The following EFNA5 variants were observed in gnomAD, a reference collection of about 807,000 sequenced individuals.
EFNA5 encodes the protein ephrin A5, also known as ephrin-A5.
In EFNA5, 5 loss-of-function variants were observed where a neutral mutation model predicts 22.9. That is an observed-to-expected ratio of 0.22 (90% CI 0.11 to 0.46). The LOEUF is 0.46. EFNA5 is among the 20% of genes least tolerant of loss of function. EFNA5 has a pLI of 0.99. For missense variants in EFNA5, 237 were observed against 293.3 expected (o/e 0.81, Z 1.40); for synonymous variants, 113 against 112.2 (o/e 1.01, Z -0.04).
At chr5:107,551,338 C>T (rs557713088) in intron 1 of EFNA5, among the ~76,000 whole-genome samples, 14 of 152,156 alleles carry the variant, frequency 9.2e-5, no homozygotes, top group Non-Finnish European at 1.8e-4. Context: ...GCTACACGAT[C>T]TCTGCCACAG....
In EFNA5 at chr5:107,381,353, C is replaced by T. The variant is rs772569777; in HGVS notation, c.589G>A (p.Glu197Lys). The change falls in exon 5 of 5, where the codon GAG (glutamate) becomes AAG (lysine). Residue 197 changes from glutamate (E) to lysine (K), a missense_variant. Glu to Lys is a moderately conservative substitution (Grantham distance 56). Transcript: ENST00000333274. ...PADDTVHESA[E>K]PSRGENAAQT... ...GCCGCGTTCTCGCCGCGGGATGGCT[C>T]GGCTGACTCATGTACGGTGTCATCT... 16 of 1,613,824 alleles carry T rather than the reference C, an allele frequency of 9.9e-6. No homozygotes were observed. The highest frequency in any genetic ancestry group is 3.3e-5 in the South Asian group (3 of 91,068).
At chr5:107,382,623 G>T (rs770510739) in intron 4 of EFNA5, among the ~76,000 whole-genome samples, 13 of 151,994 alleles carry the variant, frequency 8.6e-5, no homozygotes, top group Non-Finnish European at 1.8e-4. Flanking sequence ...TCCTCCCTTG[G>T]CCTCCCAAAG....
At chr5:107,648,384 T>C (rs1750667968) in intron 1 of EFNA5, among the ~76,000 whole-genome samples, 2 of 152,220 alleles carry the variant, frequency 1.3e-5, no homozygotes, top group Admixed American at 6.5e-5. Flanking sequence ...TAAAATACTA[T>C]ATACAAGTAC....
At chr5:107,589,232 A>G (rs1051031552) in intron 1 of EFNA5, among the ~76,000 whole-genome samples, 1 of 152,206 alleles carries the variant, frequency 6.6e-6, no homozygotes, top group East Asian at 1.9e-4. Flanking sequence ...TAAGATAACT[A>G]CAAACGCTAA....
chr5:107,589,477 C>T lies in EFNA5; in HGVS notation c.125+81012G>A, dbSNP rs112785993. On this transcript the variant is annotated intron_variant, in intron 1 of 4. Transcript: ENST00000333274. ...TAAAAACTGACTATAAACATATATA[C>T]ACACACACACACACCAACAAAGGAG... Among the ~76,000 whole-genome samples the T allele has an allele frequency of 7.7e-3, 1,164 of 151,066 alleles. 18 individuals carry two copies. The highest frequency in any genetic ancestry group is 0.026 in the African/African-American group (1,074 of 40,892).
At chr5:107,585,530 C>T (rs1749167088) in intron 1 of EFNA5, among the ~76,000 whole-genome samples, 1 of 152,064 alleles carries the variant, frequency 6.6e-6, no homozygotes, top group African/African-American at 2.4e-5. Context: ...AATAGAAAAA[C>T]CTGTGAATAG....
At chr5:107,669,517 G>A (rs947106291) in intron 1 of EFNA5, among the ~76,000 whole-genome samples, 3 of 152,008 alleles carry the variant, frequency 2.0e-5, no homozygotes, top group Non-Finnish European at 4.4e-5. Flanking sequence ...GGACCCCGCC[G>A]GGCACTCTGG....
chr5:107,510,560 T>C (rs1195211010), intron 1 of EFNA5, among the ~76,000 whole-genome samples: 1 of 152,202 alleles, frequency 6.6e-6, no homozygotes, highest in Non-Finnish European at 1.5e-5. Flanking sequence ...TGGACCCCTT[T>C]CTGGTAATAC....
chr5:107,521,478 T>TA (rs1561421052), intron 1 of EFNA5, among the ~76,000 whole-genome samples: 108 of 107,098 alleles, frequency 1.0e-3, no homozygotes, highest in African/African-American at 6.0e-3. Flanking sequence ...ATATATATAT[T>TA]TTTTTTTTTT....
intron 1 of EFNA5, among the ~76,000 whole-genome samples, chr5:107,566,103 A>C (rs1415698799): frequency 2.0e-5 from 3 of 152,184 alleles, no homozygotes; most frequent in Non-Finnish European, 4.4e-5. Context: ...TTAAAAAAGA[A>C]AAACTCCACC....
At chr5:107,662,699 C>T (rs1013025825) in intron 1 of EFNA5, among the ~76,000 whole-genome samples, 4 of 150,820 alleles carry the variant, frequency 2.7e-5, no homozygotes, top group African/African-American at 9.8e-5. Flanking sequence ...TAATATAACG[C>T]ATCTTAACCC....
At chr5:107,541,693 G>GA (rs1427955840) in intron 1 of EFNA5, among the ~76,000 whole-genome samples, 4 of 151,948 alleles carry the variant, frequency 2.6e-5, no homozygotes, top group Non-Finnish European at 4.4e-5. Context: ...CTGAAATGAG[G>GA]AAAAAAAATT....
At chr5:107,391,060 A>G (rs1747782517) in intron 2 of EFNA5, among the ~76,000 whole-genome samples, 1 of 152,084 alleles carries the variant, frequency 6.6e-6, no homozygotes, top group Non-Finnish European at 1.5e-5. Flanking sequence ...TCGGGAGGCT[A>G]ATGCATGAGA....
intron 2 of EFNA5, among the ~76,000 whole-genome samples, chr5:107,415,661 C>T (rs150804383): frequency 1.3e-5 from 2 of 152,350 alleles, no homozygotes; most frequent in East Asian, 3.9e-4. Context: ...AATTCCTTAA[C>T]TTCATTCAAA....
At chr5:107,549,193 T>C (rs551477333) in intron 1 of EFNA5, among the ~76,000 whole-genome samples, 1 of 152,216 alleles carries the variant, frequency 6.6e-6, no homozygotes, top group African/African-American at 2.4e-5. Context: ...GTAATTGATT[T>C]ACATGATAGT....
At chr5:107,433,138 C>T (rs1433186091) in intron 1 of EFNA5, among the ~76,000 whole-genome samples, 1 of 152,106 alleles carries the variant, frequency 6.6e-6, no homozygotes, top group African/African-American at 2.4e-5. Context: ...AAAAGTTATA[C>T]CTGGATTTTC....
intron 1 of EFNA5, among the ~76,000 whole-genome samples, chr5:107,565,150 G>T (rs907210834): frequency 1.3e-5 from 2 of 152,146 alleles, no homozygotes; most frequent in South Asian, 4.1e-4. Flanking sequence ...TGGTTTCAGG[G>T]TGAGGATGAA....
chr5:107,483,076 C>T (rs1341763507), intron 1 of EFNA5, among the ~76,000 whole-genome samples: 4 of 152,006 alleles, frequency 2.6e-5, no homozygotes, highest in Non-Finnish European at 4.4e-5. Context: ...GCTTGTTCCT[C>T]GTCTTTAATC....
intron 1 of EFNA5, among the ~76,000 whole-genome samples, chr5:107,467,503 T>A (rs542813578): frequency 6.6e-6 from 1 of 152,092 alleles, no homozygotes; most frequent in African/African-American, 2.4e-5. Flanking sequence ...GGCTATAAAG[T>A]TTCCATGAAA....
Sources: gnomAD v4.1 joint callset for allele counts (sites outside exome capture counted in the v4.1 genomes callset) on GRCh38, gnomAD v4.1.1 for gene constraint, MANE v1.5 for transcripts, NCBI Gene and HGNC (gene_info 2026-07-23, HGNC 2026-07-21) for gene names.